SYNDIG1: variants seen among roughly 807,000 people sequenced by gnomAD.
The protein encoded by SYNDIG1 is synapse differentiation-inducing gene protein 1.
Under a neutral mutation model 19.4 loss-of-function variants are expected in SYNDIG1, and 9 were observed. That is an observed-to-expected ratio of 0.46 (90% CI 0.28 to 0.81). The LOEUF (loss-of-function observed/expected upper bound fraction) is 0.81, where lower values mean the gene tolerates loss of function less well. Among genes scored for constraint, SYNDIG1 ranks in the 30% least tolerant of loss-of-function variants. The pLI, the probability that SYNDIG1 is intolerant of heterozygous loss-of-function variation, is 0.12. For synonymous variants in SYNDIG1, 141 were observed against 145.9 expected (o/e 0.97, Z 0.24); for missense variants, 311 against 343.3 (o/e 0.91, Z 0.74).
chr20:24,591,449 CT>C (rs200717142), intron 3 of SYNDIG1, among the ~76,000 whole-genome samples: 117 of 146,200 alleles, frequency 8.0e-4, no homozygotes, highest in East Asian at 2.6e-3. Flanking sequence ...ATCTAGTTAT[CT>C]TTTTTTTTTT....
Position 24,665,396 on chromosome 20 carries a change from C to T in SYNDIG1, c.669C>T (p.Ser223=). ...ACTTGCACCAGGCCAGCACCAGCTC[C>T]CGGCGGGCCCTATTCCTGGCAGTGC... ...KGDLHQASTS[S]RRALFLAVLS... The change falls in exon 4 of 4, where the codon TCC becomes TCT. Residue 223 remains serine (S), a synonymous_variant. Coordinates refer to ENST00000376862, the MANE Select transcript of SYNDIG1 (RefSeq NM_024893.3). 6.2e-7 allele frequency: 1 copy of T among 1,611,816 alleles called. No individual in the cohort carries two copies. The highest frequency in any genetic ancestry group is 1.1e-5 in the South Asian group (1 of 90,618).
At chr20:24,481,942 A>T (rs1457266405) in intron 1 of SYNDIG1, among the ~76,000 whole-genome samples, 3 of 152,264 alleles carry the variant, frequency 2.0e-5, no homozygotes, top group Non-Finnish European at 4.4e-5. Context: ...ATTGATAAAG[A>T]TTAAATATAT....
At chr20:24,556,008 A>AT (rs2057807399) in intron 2 of SYNDIG1, among the ~76,000 whole-genome samples, 1 of 152,134 alleles carries the variant, frequency 6.6e-6, no homozygotes, top group Non-Finnish European at 1.5e-5. Flanking sequence ...GTGCATATAT[A>AT]TTTAGGATAG....
chr20:24,652,667 G>A (rs2059484778), intron 3 of SYNDIG1, among the ~76,000 whole-genome samples: 2 of 152,328 alleles, frequency 1.3e-5, no homozygotes, highest in African/African-American at 2.4e-5. Flanking sequence ...TGGCACTCAT[G>A]GCTCTAACTG....
chr20:24,495,643 A>T (rs73341691), intron 1 of SYNDIG1: 3 of 152,148 alleles, frequency 2.0e-5, no homozygotes, highest in African/African-American at 4.8e-5. Context: ...TTGGGGATTT[A>T]TTTGGACAGA....
intron 3 of SYNDIG1, among the ~76,000 whole-genome samples, chr20:24,626,935 G>A (rs1446304005): frequency 1.3e-5 from 2 of 152,226 alleles, no homozygotes; most frequent in African/African-American, 4.8e-5. Context: ...AACCAGTCAG[G>A]CGTGGCGGCG....
intron 3 of SYNDIG1, among the ~76,000 whole-genome samples, chr20:24,625,246 T>C (rs2059105369): frequency 6.6e-6 from 1 of 152,152 alleles, no homozygotes; most frequent in African/African-American, 2.4e-5. Context: ...AAATGTCAGT[T>C]CTTTGAAAAG....
intron 1 of SYNDIG1, among the ~76,000 whole-genome samples, chr20:24,518,822 G>A (rs2146526220): frequency 6.6e-6 from 1 of 152,264 alleles, no homozygotes; most frequent in South Asian, 2.1e-4. Flanking sequence ...AATTTACCAA[G>A]AGAAACCAGT....
At chr20:24,614,886 C>T (rs1429851217) in intron 3 of SYNDIG1, among the ~76,000 whole-genome samples, 1 of 152,108 alleles carries the variant, frequency 6.6e-6, no homozygotes, top group Non-Finnish European at 1.5e-5. Context: ...CTTAACAATA[C>T]CTTATAGTTT....
At chr20:24,512,175 G>A (rs978338117) in intron 1 of SYNDIG1, among the ~76,000 whole-genome samples, 8 of 134,482 alleles carry the variant, frequency 5.9e-5, no homozygotes, top group Admixed American at 1.6e-4. Flanking sequence ...CAAGATGGCC[G>A]AATAGGAACA....
At chr20:24,639,655 A>G (rs1183987437) in intron 3 of SYNDIG1, among the ~76,000 whole-genome samples, 1 of 152,246 alleles carries the variant, frequency 6.6e-6, no homozygotes, top group Non-Finnish European at 1.5e-5. Context: ...TGTTGTTAAC[A>G]TTAATACAAT....
chr20:24,558,312 G>T (rs2057867717), intron 2 of SYNDIG1, among the ~76,000 whole-genome samples: 1 of 152,110 alleles, frequency 6.6e-6, no homozygotes, highest in South Asian at 2.1e-4. Flanking sequence ...CCCTCTTTGT[G>T]TCTAATAATA....
chr20:24,525,286 CTTTTTTT>C (rs11471122), intron 1 of SYNDIG1, among the ~76,000 whole-genome samples: 12 of 106,524 alleles, frequency 1.1e-4, no homozygotes, highest in East Asian at 2.7e-4. Flanking sequence ...TCTTCTTCTT[CTTTTTTT>C]TTTTTTTTTT....
intron 3 of SYNDIG1, among the ~76,000 whole-genome samples, chr20:24,618,005 A>G: frequency 9.2e-6 from 1 of 108,840 alleles, no homozygotes; most frequent in African/African-American, 3.9e-5. Flanking sequence ...GAGCCTGGGG[A>G]AGGGAGATGC....
chr20:24,622,671 C>T (rs1464755339), intron 3 of SYNDIG1, among the ~76,000 whole-genome samples: 1 of 152,208 alleles, frequency 6.6e-6, no homozygotes, highest in Non-Finnish European at 1.5e-5. Flanking sequence ...CCCCTCTGCA[C>T]TGATCCGTGG....
intron 2 of SYNDIG1, among the ~76,000 whole-genome samples, chr20:24,558,021 T>TTA (rs1232758335): frequency 6.6e-6 from 1 of 152,090 alleles, no homozygotes; most frequent in African/African-American, 2.4e-5. Flanking sequence ...AGTTAGGGGT[T>TTA]TATATAGCAG....
intron 1 of SYNDIG1, among the ~76,000 whole-genome samples, chr20:24,485,478 A>G (rs1437726245): frequency 3.3e-5 from 5 of 152,198 alleles, no homozygotes; most frequent in Admixed American, 2.0e-4. Flanking sequence ...AGAAAGGAAA[A>G]GTGGGAAAAA....
intron 1 of SYNDIG1, among the ~76,000 whole-genome samples, chr20:24,487,629 A>G (rs2065098189): frequency 6.6e-6 from 1 of 152,234 alleles, no homozygotes; most frequent in Non-Finnish European, 1.5e-5. Flanking sequence ...ACAGATGTGT[A>G]TGTGTACATG....
At chr20:24,626,910 C>G (rs556194631) in intron 3 of SYNDIG1, among the ~76,000 whole-genome samples, 4,037 of 152,308 alleles carry the variant, frequency 0.027, 73 homozygotes, top group African/African-American at 0.043. Context: ...CCCGTCTCCA[C>G]CAAAAAAATA....
Sources: allele counts gnomAD v4.1 joint callset (sites outside exome capture counted in the v4.1 genomes callset), GRCh38; gene constraint gnomAD v4.1.1; transcripts MANE v1.5; gene names NCBI Gene and HGNC (gene_info 2026-07-23, HGNC 2026-07-21).